NDUFAB1: variants seen among roughly 807,000 people sequenced by gnomAD.
The protein encoded by NDUFAB1 is NADH:ubiquinone oxidoreductase subunit AB1.
A neutral mutation model predicts 16.1 loss-of-function variants in NDUFAB1; 5 were observed. That is an observed-to-expected ratio of 0.31 (90% CI 0.16 to 0.65). The LOEUF (loss-of-function observed/expected upper bound fraction) is 0.65, where lower values mean the gene tolerates loss of function less well. Ranked by LOEUF, NDUFAB1 falls within the 30% of genes least tolerant of loss-of-function variation. NDUFAB1 has a pLI of 0.77. For missense variants in NDUFAB1, 187 were observed against 205.3 expected (o/e 0.91, Z 0.54); for synonymous variants, 85 against 78.4 (o/e 1.08, Z -0.44).
chr16:23,582,718 C>T (rs907898592), intron 3 of NDUFAB1, among the ~76,000 whole-genome samples: 2 of 150,898 alleles, frequency 1.3e-5, no homozygotes, highest in Non-Finnish European at 3.0e-5. Context: ...CTCTCCCTCT[C>T]CCCACGGTCT....
chr16:23,581,546 TAAA>T (rs60306232), intron 4 of NDUFAB1, among the ~76,000 whole-genome samples: 1 of 123,002 alleles, frequency 8.1e-6, no homozygotes, highest in Non-Finnish European at 1.7e-5. Flanking sequence ...GTTCCATCTT[TAAA>T]AAAAAAAAAA....
intron 1 of NDUFAB1, among the ~76,000 whole-genome samples, chr16:23,589,366 T>C (rs1966259688): frequency 6.6e-6 from 1 of 152,078 alleles, no homozygotes; most frequent in South Asian, 2.1e-4. Flanking sequence ...ATGATAGATA[T>C]TCTAACGAGC....
chr16:23,584,241 CAAGAATGATCA>C lies in NDUFAB1; in HGVS notation c.379+1084_379+1094del, dbSNP rs1966210968. 1.8e-4 allele frequency among the ~76,000 whole-genome samples: 3 copies of C among 16,406 alleles called. No homozygotes were observed. In the South Asian group the frequency reaches 8.7e-3, roughly 47 times the overall value. The allele number at this position is 16,406 out of a possible 152,430, so 10.8% of individuals were successfully genotyped here. A position where few individuals can be genotyped will look rare whatever the true frequency, so the allele number is the denominator to read the frequency against. On this transcript the variant is annotated intron_variant, in intron 3 of 4. Transcript: ENST00000007516. ...CAAATCCCCCTCTGCGAGAAACACC[CAAGAATGATCA>C]ATTAAAAAAAAAAAAAAAAAAAGAA...
At chr16:23,592,352 A>G (rs538732008) in intron 1 of NDUFAB1, among the ~76,000 whole-genome samples, 11 of 152,074 alleles carry the variant, frequency 7.2e-5, no homozygotes, top group African/African-American at 2.7e-4. Flanking sequence ...AAAAAAAAAA[A>G]AAAAAAAGTC....
At chr16:23,596,043 G>T in intron 1 of NDUFAB1, 80 bp downstream of exon 1, 2 of 1,493,348 alleles carry the variant, frequency 1.3e-6, no homozygotes, top group Non-Finnish European at 1.8e-6. Context: ...CAGCTGGCGC[G>T]CCCCGGATGC....
chr16:23,596,276 G>A lies in NDUFAB1; in HGVS notation c.15C>T (p.Val5=), dbSNP rs775678167. The A allele has an allele frequency of 7.4e-5, 117 of 1,571,326 alleles. No individual in the cohort carries two copies. The Admixed American group carries it at 7.6e-4, about 10-fold the overall frequency. The change falls in exon 1 of 5, where the codon GTC becomes GTT. Residue 5 remains valine (V), a synonymous_variant. Transcript: ENST00000007516. Reference sequence around the variant, plus strand: ...GCAGGCGGCTGACATAGGCTGAAAGGACACGAGACGCCATGGCTACGCCAA... The same window carrying A: ...GCAGGCGGCTGACATAGGCTGAAAGAACACGAGACGCCATGGCTACGCCAA... MASR[V]LSAYVSRLPA... is the part of the protein sequence containing the mutation.
chr16:23,582,304 T>C lies in NDUFAB1; in HGVS notation c.451A>G (p.Lys151Glu). The stretch of plus-strand genomic sequence containing the variant: ...ATACTTTATTCATATACATCCTTCT[T>C]ATCTGCAATGTAATCTACAATTTCT... ...PQEIVDYIAD[K>E]KDVYE Residue 151 changes from lysine (K) to glutamate (E), a missense_variant, in exon 4 of 5, where the codon AAG becomes GAG. Around this residue, in one of 3 missense-constraint regions of NDUFAB1, gnomAD observed 32 missense variants for 28.8 expected, o/e 1.11. Coordinates refer to ENST00000007516, the MANE Select transcript of NDUFAB1 (RefSeq NM_005003.3). 6.4e-7 allele frequency: 1 copy of C among 1,570,060 alleles called. No individual in the cohort carries two copies. The highest frequency in any genetic ancestry group is 8.6e-7 in the Non-Finnish European group (1 of 1,159,840).
chr16:23,585,792 A>AT (rs1034915317), intron 2 of NDUFAB1, among the ~76,000 whole-genome samples: 7 of 152,132 alleles, frequency 4.6e-5, no homozygotes, highest in South Asian at 2.1e-4. Context: ...ACTACATCGA[A>AT]TTTTTTTTAA....
intron 3 of NDUFAB1, among the ~76,000 whole-genome samples, chr16:23,583,306 G>A (rs1247972623): frequency 4.0e-5 from 6 of 150,644 alleles, no homozygotes; most frequent in Non-Finnish European, 5.9e-5. Context: ...GCCCCTTCCC[G>A]GCCGCCATCC....
chr16:23,584,241 C>G (rs1165160868), intron 3 of NDUFAB1, among the ~76,000 whole-genome samples: 1 of 16,430 alleles, frequency 6.1e-5, no homozygotes, highest in East Asian at 2.8e-3. Flanking sequence ...GAGAAACACC[C>G]AAGAATGATC....
At chr16:23,592,085 A>C (rs1481865186) in intron 1 of NDUFAB1, among the ~76,000 whole-genome samples, 1 of 152,164 alleles carries the variant, frequency 6.6e-6, no homozygotes, top group African/African-American at 2.4e-5. Context: ...AAAAGTTGTC[A>C]CTCAGTCCTT....
At chr16:23,584,702 A>C (rs939662812) in intron 3 of NDUFAB1, among the ~76,000 whole-genome samples, 4 of 152,078 alleles carry the variant, frequency 2.6e-5, no homozygotes, top group African/African-American at 4.8e-5. Context: ...CAGACCTGGT[A>C]CTCTTAAGCA....
chr16:23,581,481 G>A (rs1222513983), intron 4 of NDUFAB1, among the ~76,000 whole-genome samples: 1 of 151,570 alleles, frequency 6.6e-6, no homozygotes. Flanking sequence ...AGGAGGCGGA[G>A]GTTGCAGTGA....
In NDUFAB1 at chr16:23,582,263, T is replaced by A; in HGVS notation, c.*8+13A>T. ...AAATCTATGGGTGAACATCATTTTT[T>A]AAGTCTATTTACCTGATACTTTATT... On this transcript the variant is annotated intron_variant, in intron 4 of 4. Coordinates refer to ENST00000007516, the MANE Select transcript of NDUFAB1 (RefSeq NM_005003.3). The A allele has an allele frequency of 6.8e-7, 1 of 1,463,466 alleles. No homozygotes were observed. The highest frequency in any genetic ancestry group is 9.0e-7 in the Non-Finnish European group (1 of 1,105,492). 90.7% of individuals were successfully genotyped at this position (1,463,466 alleles called of 1,614,324 possible).
chr16:23,582,278 G>A lies in NDUFAB1; in HGVS notation c.*6C>T. The A allele has an allele frequency of 6.6e-7, 1 of 1,510,644 alleles. No individual in the cohort carries two copies. Among genetic ancestry groups the A allele is most frequent in the Non-Finnish European group, 8.8e-7 (1 of 1,131,314 alleles). 93.6% of individuals were successfully genotyped at this position (1,510,644 alleles called of 1,614,324 possible). A position where few individuals can be genotyped will look rare whatever the true frequency, so the allele number is the denominator to read the frequency against. On this transcript the variant is annotated splice_region_variant and 3_prime_UTR_variant, in exon 4 of 5. Transcript: ENST00000007516. ...CATCATTTTTTAAGTCTATTTACCT[G>A]ATACTTTATTCATATACATCCTTCT...
chr16:23,593,701 C>A (rs975614058), intron 1 of NDUFAB1, among the ~76,000 whole-genome samples: 47 of 152,126 alleles, frequency 3.1e-4, no homozygotes, highest in Non-Finnish European at 6.0e-4. Context: ...GAATCAGAAT[C>A]TGTATTCCAG....
chr16:23,589,127 G>A (rs1290071087), intron 1 of NDUFAB1, among the ~76,000 whole-genome samples: 2 of 151,130 alleles, frequency 1.3e-5, no homozygotes, highest in African/African-American at 2.4e-5. Flanking sequence ...GAGAAACCCC[G>A]TCTCTACCAA....
In NDUFAB1 at chr16:23,584,980, C is replaced by T. The variant is rs1019311070; in HGVS notation, c.379+356G>A. The stretch of plus-strand genomic sequence containing the variant: ...TTACTTCTACCTGGTTCGCGTTACC[C>T]GAGCTCAGGAGGGGCTGACATGTCA... On this transcript the variant is annotated intron_variant, in intron 3 of 4. Transcript: ENST00000007516. Among the ~76,000 whole-genome samples the T allele has an allele frequency of 5.3e-5, 8 of 152,202 alleles. No homozygotes were observed. The South Asian group carries it at 1.2e-3, about 24-fold the overall frequency.
intron 3 of NDUFAB1, among the ~76,000 whole-genome samples, chr16:23,584,822 C>A (rs907230335): frequency 6.6e-6 from 1 of 152,206 alleles, no homozygotes; most frequent in Non-Finnish European, 1.5e-5. Context: ...AGCCAACTCA[C>A]GCAGAAACAG....
Sources: allele counts gnomAD v4.1 joint callset (sites outside exome capture counted in the v4.1 genomes callset), GRCh38; gene constraint gnomAD v4.1.1; regional missense constraint gnomAD v4.1.1; transcripts MANE v1.5; gene names NCBI Gene and HGNC (gene_info 2026-07-23, HGNC 2026-07-21).